The following SFRP1 variants were observed in gnomAD, a reference collection of about 807,000 sequenced individuals.
The protein encoded by SFRP1 is secreted frizzled-related protein 1.
A neutral mutation model predicts 25.9 loss-of-function variants in SFRP1; 9 were observed. The observed-to-expected ratio is 0.35, with a 90% CI of 0.21 to 0.61. The LOEUF (loss-of-function observed/expected upper bound fraction) is 0.61. SFRP1 is among the 20% of genes least tolerant of loss of function. The pLI is 0.78. For synonymous variants in SFRP1, 178 were observed against 174.0 expected (o/e 1.02, Z -0.18); for missense variants, 346 against 418.2 (o/e 0.83, Z 1.51).
At position 41,308,868 on chromosome 8, in the gene SFRP1, C is replaced by A; in HGVS notation, c.292G>T (p.Val98Leu). 6.2e-7 allele frequency: 1 copy of A among 1,610,606 alleles called. No homozygotes were observed. The highest frequency in any genetic ancestry group is 8.5e-7 in the Non-Finnish European group (1 of 1,179,616). The change falls in exon 1 of 3, where the codon GTG (valine) becomes TTG (leucine). Residue 98 changes from valine to leucine, a missense_variant. Physicochemically the swap from Val to Leu is conservative, Grantham distance 32. Transcript: ENST00000220772. ...AEVKQQASSW[V>L]PLLNKNCHAG... ...TGGCAGTTCTTGTTGAGCAGGGGCA[C>A]CCAGCTGCTGGCCTGCTGCTTCACC... is the stretch of plus-strand genomic sequence containing the variant.
At chr8:41,269,505 A>C (rs1377213026) in intron 2 of SFRP1, among the ~76,000 whole-genome samples, 2 of 152,126 alleles carry the variant, frequency 1.3e-5, no homozygotes, top group Non-Finnish European at 2.9e-5. Context: ...TTTGCTCACA[A>C]ATTATACTTC....
rs147895257 is a variant in SFRP1, at chr8:41,273,876, G to A, written c.623-8387C>T. On this transcript the variant is annotated intron_variant, in intron 2 of 2. Coordinates refer to ENST00000220772, the MANE Select transcript of SFRP1 (RefSeq NM_003012.5). ...GAGGAAGAGTCAGACCTCAATGTGG[G>A]CTGGCACCACCCAATCAGCTGCGAG... Among the ~76,000 whole-genome samples the A allele has an allele frequency of 5.1e-4, 77 of 152,274 alleles. 4 individuals are homozygous for A. The highest frequency in any genetic ancestry group is 4.6e-3 in the East Asian group (24 of 5,172).
chr8:41,267,020 C>G (rs1803444272), intron 2 of SFRP1, among the ~76,000 whole-genome samples: 1 of 152,194 alleles, frequency 6.6e-6, no homozygotes, highest in Non-Finnish European at 1.5e-5. Context: ...CCACTAATCC[C>G]CACTGACAGG....
intron 2 of SFRP1, among the ~76,000 whole-genome samples, chr8:41,288,472 G>A (rs2117502314): frequency 1.4e-5 from 2 of 141,800 alleles, no homozygotes; most frequent in South Asian, 4.5e-4. Flanking sequence ...AGGAGTTCGA[G>A]GCTGCACTGA....
chr8:41,270,607 C>T (rs1388099322), intron 2 of SFRP1, among the ~76,000 whole-genome samples: 3 of 152,040 alleles, frequency 2.0e-5, no homozygotes, highest in Non-Finnish European at 4.4e-5. Flanking sequence ...TACATATGGA[C>T]ACTCAAACCT....
At chr8:41,279,252 G>A (rs79658392) in intron 2 of SFRP1, among the ~76,000 whole-genome samples, 49 of 152,266 alleles carry the variant, frequency 3.2e-4, no homozygotes, top group Non-Finnish European at 5.6e-4. Flanking sequence ...CCACTGCCCG[G>A]ATGTTCAAAG....
intron 2 of SFRP1, among the ~76,000 whole-genome samples, chr8:41,279,468 C>T (rs962472175): frequency 2.0e-5 from 3 of 152,258 alleles, no homozygotes; most frequent in Admixed American, 6.5e-5. Context: ...GGGAGCAGAA[C>T]CTTTCTGTCC....
intron 2 of SFRP1, among the ~76,000 whole-genome samples, chr8:41,270,738 G>C (rs904054624): frequency 6.6e-6 from 1 of 150,618 alleles, no homozygotes; most frequent in Non-Finnish European, 1.5e-5. Flanking sequence ...TAGGAGAATC[G>C]CTTGAACCCG....
Position 41,308,908 on chromosome 8 carries a change from G to C in SFRP1, c.252C>G (p.His84Gln). 1 of 1,612,644 alleles carries C rather than the reference G, an allele frequency of 6.2e-7. No individual in the cohort carries two copies. Among genetic ancestry groups the C allele is most frequent in the Non-Finnish European group, 8.5e-7 (1 of 1,179,886 alleles). Reference sequence around the variant, plus strand: ...GCTGCTTCACCTCCGCCATGGTCTCGTGCTCCAGCAGGTTGGGCAGCACCA... The same window carrying C: ...GCTGCTTCACCTCCGCCATGGTCTCCTGCTCCAGCAGGTTGGGCAGCACCA... Reference protein sequence around the residue: ...KKMVLPNLLEHETMAEVKQQA... With the variant: ...KKMVLPNLLEQETMAEVKQQA... Residue 84 changes from histidine to glutamine, a missense_variant, in exon 1 of 3, where the codon CAC becomes CAG. By Grantham distance (24) the His-to-Gln change is conservative. Transcript: ENST00000220772.
intron 1 of SFRP1, among the ~76,000 whole-genome samples, chr8:41,304,234 A>G (rs1173229346): frequency 1.3e-5 from 2 of 152,198 alleles, no homozygotes; most frequent in African/African-American, 2.4e-5. Flanking sequence ...GCAGACGTGC[A>G]TAACGTTGGA....
chr8:41,300,156 T>G (rs1438105270), intron 2 of SFRP1, among the ~76,000 whole-genome samples: 2 of 152,046 alleles, frequency 1.3e-5, no homozygotes, highest in East Asian at 1.9e-4. Flanking sequence ...GGAGGCAGAG[T>G]GAGAACAGAT....
chr8:41,278,306 C>A (rs764379203), intron 2 of SFRP1, among the ~76,000 whole-genome samples: 1 of 152,188 alleles, frequency 6.6e-6, no homozygotes, highest in Non-Finnish European at 1.5e-5. Context: ...GGAACGGACC[C>A]CAAGTGGAGA....
intron 1 of SFRP1, chr8:41,306,608 G>A (rs1804000818): frequency 7.9e-7 from 1 of 1,269,830 alleles, no homozygotes; most frequent in Non-Finnish European, 1.1e-6. Context: ...TCTCAGGGCA[G>A]AGCCCCCCAC....
chr8:41,265,140 T>A lies in SFRP1; in HGVS notation c.*27A>T. ...CCCCCGCTCCCACCCCACCCGAGGC[T>A]CCCTCCCCACCCTGCCCCCGGGAGA... On this transcript the variant is annotated 3_prime_UTR_variant, in exon 3 of 3. Transcript: ENST00000220772. The A allele has an allele frequency of 5.5e-6, 1 of 181,526 alleles. No individual in the cohort carries two copies. Among genetic ancestry groups the A allele is most frequent in the African/African-American group, 3.3e-5 (1 of 30,758 alleles). The allele number at this position is 181,526 out of a possible 1,614,324, so 11.2% of individuals were successfully genotyped here. A position where few individuals can be genotyped will look rare whatever the true frequency, so the allele number is the denominator to read the frequency against.
At chr8:41,274,015 T>A (rs1803542795) in intron 2 of SFRP1, among the ~76,000 whole-genome samples, 1 of 152,188 alleles carries the variant, frequency 6.6e-6, no homozygotes. Flanking sequence ...CACATCAGAC[T>A]CCATGTTTTT....
At chr8:41,278,039 G>A (rs565387102) in intron 2 of SFRP1, among the ~76,000 whole-genome samples, 1 of 152,264 alleles carries the variant, frequency 6.6e-6, no homozygotes, top group South Asian at 2.1e-4. Context: ...TGTCACCTTG[G>A]TTATTCACAG....
intron 2 of SFRP1, chr8:41,276,900 C>T (rs1803578386): frequency 2.2e-6 from 1 of 456,268 alleles, no homozygotes; most frequent in Non-Finnish European, 4.4e-6. Context: ...CATATGAACG[C>T]ACACACGCAA....
chr8:41,301,756 A>C (rs1323105181), intron 2 of SFRP1, among the ~76,000 whole-genome samples: 1 of 152,252 alleles, frequency 6.6e-6, no homozygotes, highest in Non-Finnish European at 1.5e-5. Flanking sequence ...AAATATTGTC[A>C]GGGCTAAAGG....
At chr8:41,294,340 C>T (rs182766524) in intron 2 of SFRP1, among the ~76,000 whole-genome samples, 1 of 152,052 alleles carries the variant, frequency 6.6e-6, no homozygotes, top group Admixed American at 6.6e-5. Context: ...AAGACACCGA[C>T]GTGGAAAATT....
Sources: gnomAD v4.1 joint callset for allele counts (sites outside exome capture counted in the v4.1 genomes callset) on GRCh38, gnomAD v4.1.1 for gene constraint, MANE v1.5 for transcripts, NCBI Gene and HGNC (gene_info 2026-07-23, HGNC 2026-07-21) for gene names.